The following GPC6 variants were observed in gnomAD, a reference collection of about 807,000 sequenced individuals.
GPC6 encodes glypican 6, also known as glypican-6.
Under a neutral mutation model 55.2 loss-of-function variants are expected in GPC6, and 14 were observed. The ratio of observed to expected loss-of-function variants is 0.25; its 90% CI spans 0.17 to 0.40. The LOEUF is 0.40. GPC6 is among the 10% of genes least tolerant of loss of function. The pLI is 1.00. For synonymous variants in GPC6, 278 were observed against 259.6 expected (o/e 1.07, Z -0.68); for missense variants, 641 against 708.5 (o/e 0.90, Z 1.08).
intron 2 of GPC6, among the ~76,000 whole-genome samples, chr13:93,801,593 A>G (rs1025975446): frequency 5.3e-5 from 8 of 152,112 alleles, no homozygotes; most frequent in African/African-American, 1.9e-4. Flanking sequence ...TTCCTGGTAA[A>G]TGTGCTGGTA....
intron 6 of GPC6, among the ~76,000 whole-genome samples, chr13:94,338,058 A>G (rs9524442): frequency 0.045 from 6,823 of 152,316 alleles, 219 homozygotes; most frequent in East Asian, 0.094. Context: ...TCTGCATTGC[A>G]GTGGATTTCT....
rs1881352589 is a variant in GPC6, at chr13:94,406,039, C to T, written c.*2822C>T. ...AGGCTTCATTATTTTTTATGACCTG[C>T]CCCTCATTTGCTCTGATGTTCCCTA... On this transcript the variant is annotated 3_prime_UTR_variant, in exon 9 of 9. Transcript: ENST00000377047. 1 of 152,032 alleles carries T rather than the reference C, an allele frequency of 6.6e-6. No homozygotes were observed. Among genetic ancestry groups the T allele is most frequent in the Admixed American group, 6.6e-5 (1 of 15,248 alleles). 9.4% of individuals were successfully genotyped at this position (152,032 alleles called of 1,614,324 possible). A position where few individuals can be genotyped will look rare whatever the true frequency, so the allele number is the denominator to read the frequency against.
At chr13:93,277,041 G>A (rs1877779252) in intron 1 of GPC6, among the ~76,000 whole-genome samples, 1 of 152,126 alleles carries the variant, frequency 6.6e-6, no homozygotes, top group African/African-American at 2.4e-5. Flanking sequence ...TGGTTTCTTT[G>A]GGAGAAAGGG....
In GPC6 at chr13:93,227,446, T is replaced by C. The variant is rs765302558; in HGVS notation, c.-11T>C. ...CGTGGGGTTTACCGAGCTGGATTTG[T>C]ATGTTGCACCATGCCTTCTTGGATC... On this transcript the variant is annotated 5_prime_UTR_variant, in exon 1 of 9. Transcript: ENST00000377047. This position sits in a 1 kb window ranked among gnomAD's most constrained non-coding sequence, Gnocchi z 4.3. 1.9e-6 allele frequency: 3 copies of C among 1,613,400 alleles called. No homozygotes were observed. The highest frequency in any genetic ancestry group is 1.7e-6 in the Non-Finnish European group (2 of 1,179,496).
In GPC6 at chr13:94,276,586, C is replaced by A. The variant is rs190199521; in HGVS notation, c.878-9763C>A. Among the ~76,000 whole-genome samples, 498 of 152,130 alleles carry A rather than the reference C, an allele frequency of 3.3e-3. 1 individual carries two copies. Among genetic ancestry groups the A allele is most frequent in the Non-Finnish European group, 4.0e-3 (270 of 67,966 alleles). ...CACCTGTTGACCCATCCTCTAAGTTCCCACCCCTTGCCTCCCTAACAGGCC... is the reference window on the plus strand; with the variant it reads ...CACCTGTTGACCCATCCTCTAAGTTACCACCCCTTGCCTCCCTAACAGGCC... On this transcript the variant is annotated intron_variant, in intron 4 of 8. Coordinates refer to ENST00000377047, the MANE Select transcript of GPC6 (RefSeq NM_005708.5).
intron 1 of GPC6, among the ~76,000 whole-genome samples, chr13:93,323,179 AT>A (rs1311015009): frequency 1.3e-5 from 2 of 152,206 alleles, no homozygotes; most frequent in African/African-American, 4.8e-5. Flanking sequence ...TCATTATGTA[AT>A]ATAAATTTCA....
chr13:94,040,104 ACT>A (rs2138738000), intron 4 of GPC6, among the ~76,000 whole-genome samples: 1 of 151,908 alleles, frequency 6.6e-6, no homozygotes, highest in South Asian at 2.1e-4. Flanking sequence ...ATTGGTTATG[ACT>A]TTTTGCAATT....
At chr13:93,669,272 G>A (rs944596626) in intron 2 of GPC6, among the ~76,000 whole-genome samples, 1 of 152,128 alleles carries the variant, frequency 6.6e-6, no homozygotes, top group African/African-American at 2.4e-5. Flanking sequence ...CATAGATTAT[G>A]ATGTAAATTC....
At chr13:93,655,641 G>A (rs1039263484) in intron 2 of GPC6, among the ~76,000 whole-genome samples, 5 of 152,148 alleles carry the variant, frequency 3.3e-5, no homozygotes, top group African/African-American at 1.2e-4. Context: ...AAAAATCTAT[G>A]TGTATACTAA....
chr13:93,556,373 AGTGTGTGTGT>A (rs56706276), intron 2 of GPC6, among the ~76,000 whole-genome samples: 2 of 134,180 alleles, frequency 1.5e-5, no homozygotes, highest in Admixed American at 7.7e-5. Context: ...GTGGGTAAAT[AGTGTGTGTGT>A]GTGTGTGTGT....
At chr13:93,397,792 T>A (rs1273554596) in intron 1 of GPC6, among the ~76,000 whole-genome samples, 2 of 152,042 alleles carry the variant, frequency 1.3e-5, no homozygotes, top group African/African-American at 4.8e-5. Context: ...AAAAGCTATT[T>A]TTTTTTCCTA....
chr13:93,936,352 A>G (rs549315154), intron 3 of GPC6, among the ~76,000 whole-genome samples: 2 of 152,260 alleles, frequency 1.3e-5, no homozygotes, highest in South Asian at 4.1e-4. Flanking sequence ...TGTCCCTTTG[A>G]AAACATAAAT....
chr13:93,412,141 AAAT>A (rs1247106503), intron 1 of GPC6, among the ~76,000 whole-genome samples: 5 of 152,198 alleles, frequency 3.3e-5, no homozygotes, highest in African/African-American at 1.2e-4. Context: ...GTGAAGATAT[AAAT>A]AATAAGTGGA....
intron 1 of GPC6, among the ~76,000 whole-genome samples, chr13:93,284,354 A>G (rs1052471514): frequency 2.6e-5 from 4 of 152,188 alleles, no homozygotes; most frequent in Non-Finnish European, 5.9e-5. Context: ...GTCCTTTTAG[A>G]GGCTTATGAA....
At chr13:94,225,548 AG>A (rs1194873582) in intron 4 of GPC6, among the ~76,000 whole-genome samples, 1 of 152,054 alleles carries the variant, frequency 6.6e-6, no homozygotes, top group Non-Finnish European at 1.5e-5. Flanking sequence ...AAATCCACGC[AG>A]TGTTTAATAA....
intron 1 of GPC6, among the ~76,000 whole-genome samples, chr13:93,426,751 C>G (rs1042445024): frequency 6.6e-6 from 1 of 152,000 alleles, no homozygotes; most frequent in Admixed American, 6.6e-5. Context: ...GGGTATACAC[C>G]CAGTAATGGG....
chr13:93,406,239 A>G (rs980066605), intron 1 of GPC6, among the ~76,000 whole-genome samples: 2 of 152,212 alleles, frequency 1.3e-5, no homozygotes, highest in Admixed American at 6.5e-5. Flanking sequence ...CCACACGATC[A>G]GTTAAAACAC....
At chr13:93,640,812 CTTCT>C (rs1237108732) in intron 2 of GPC6, among the ~76,000 whole-genome samples, 1,641 of 77,842 alleles carry the variant, frequency 0.021, 59 homozygotes, top group African/African-American at 0.053. Context: ...TCCTTCCTTC[CTTCT>C]TTCCTTCCTT....
chr13:93,292,294 T>A (rs1252810445), intron 1 of GPC6, among the ~76,000 whole-genome samples: 1 of 152,192 alleles, frequency 6.6e-6, no homozygotes, highest in Non-Finnish European at 1.5e-5. Flanking sequence ...CTCATGTGAA[T>A]ACTTTTAGGA....
Sources: allele counts gnomAD v4.1 joint callset (sites outside exome capture counted in the v4.1 genomes callset), GRCh38; gene constraint gnomAD v4.1.1; non-coding constraint Gnocchi (gnomAD v3.1); transcripts MANE v1.5; gene names NCBI Gene and HGNC (gene_info 2026-07-23, HGNC 2026-07-21).